Variants in ANXA13 observed in about 807,000 individuals in gnomAD.
ANXA13 encodes the protein annexin A13, also known as annexin XIII.
A neutral mutation model predicts 46.6 loss-of-function variants in ANXA13; 36 were observed. The ratio of observed to expected loss-of-function variants is 0.77; its 90% CI spans 0.59 to 1.02. ANXA13 has a LOEUF of 1.02. Among genes scored for constraint, ANXA13 ranks in the 50% least tolerant of loss-of-function variants. The pLI, the probability that ANXA13 is intolerant of heterozygous loss-of-function variation, is 0.00. For synonymous variants in ANXA13, 163 were observed against 152.9 expected, an observed-to-expected ratio of 1.07 and a Z score of -0.49; for missense variants, 417 against 396.5, an observed-to-expected ratio of 1.05 and a Z score of -0.44.
At chr8:123,682,281 T>C (rs1371421380) in intron 10 of ANXA13, among the ~76,000 whole-genome samples, 1 of 152,182 alleles carries the variant, frequency 6.6e-6, no homozygotes, top group Non-Finnish European at 1.5e-5. Flanking sequence ...ATGATAGGAC[T>C]CAGGAGAAAA....
Position 123,704,978 on chromosome 8 carries a change from C to T in ANXA13, c.92-2242G>A, listed in dbSNP as rs73703641. Among the ~76,000 whole-genome samples the T allele has an allele frequency of 6.8e-3, 1,040 of 152,336 alleles. 8 individuals carry two copies. Among genetic ancestry groups the T allele is most frequent in the African/African-American group, 0.024 (1,006 of 41,580 alleles). The stretch of plus-strand genomic sequence containing the variant: ...ATTTCCAGCTGCCTGTAGTCAACTT[C>T]CCACGGATCTCCCAAGGCATTTCAA... On this transcript the variant is annotated intron_variant, in intron 2 of 10. Transcript: ENST00000419625.
intron 3 of ANXA13, among the ~76,000 whole-genome samples, chr8:123,698,844 C>A (rs1227088969): frequency 6.6e-6 from 1 of 152,178 alleles, no homozygotes; most frequent in Non-Finnish European, 1.5e-5. Flanking sequence ...GCTCAGAGAG[C>A]TTTTTCAGCC....
intron 2 of ANXA13, 111 bp from the exon 3 acceptor site, chr8:123,702,847 T>A: frequency 2.1e-6 from 2 of 950,924 alleles, no homozygotes; most frequent in Non-Finnish European, 3.4e-6. Context: ...TGGTTGGAGG[T>A]GTCTATGGAA....
chr8:123,723,495 ATGGT>A (rs1813925586), intron 1 of ANXA13, among the ~76,000 whole-genome samples: 1 of 152,182 alleles, frequency 6.6e-6, no homozygotes, highest in African/African-American at 2.4e-5. Context: ...GTAAACCAGG[ATGGT>A]TGGCCCTGCT....
At chr8:123,714,849 G>A (rs1212127884) in intron 1 of ANXA13, among the ~76,000 whole-genome samples, 2 of 152,198 alleles carry the variant, frequency 1.3e-5, no homozygotes, top group Non-Finnish European at 2.9e-5. Flanking sequence ...GGAAGAGTGG[G>A]CATTACTAGT....
chr8:123,734,385 A>T (rs1385461172), intron 1 of ANXA13, among the ~76,000 whole-genome samples: 2 of 152,170 alleles, frequency 1.3e-5, no homozygotes, highest in Non-Finnish European at 2.9e-5. Flanking sequence ...CTACCTGCAA[A>T]GCTCACTGGA....
chr8:123,689,020 A>G, intron 8 of ANXA13, 74 bp from the exon 9 acceptor site: 1 of 1,425,702 alleles, frequency 7.0e-7, no homozygotes, highest in Non-Finnish European at 9.9e-7. Context: ...TTGTTCCTCT[A>G]CAAAAAGCAC....
At chr8:123,684,357 C>T (rs558453745) in intron 10 of ANXA13, among the ~76,000 whole-genome samples, 12 of 152,310 alleles carry the variant, frequency 7.9e-5, no homozygotes, top group East Asian at 3.9e-4. Flanking sequence ...ACATGGTTGC[C>T]TCTGCGCCCC....
intron 1 of ANXA13, among the ~76,000 whole-genome samples, chr8:123,722,866 C>T (rs1172403667): frequency 2.0e-5 from 3 of 152,150 alleles, no homozygotes; most frequent in Non-Finnish European, 4.4e-5. Context: ...CTCCTTCCCT[C>T]CTCATTTCAC....
intron 10 of ANXA13, among the ~76,000 whole-genome samples, chr8:123,682,770 T>C (rs1813062799): frequency 6.6e-6 from 1 of 152,180 alleles, no homozygotes; most frequent in Admixed American, 6.5e-5. Context: ...TCTGTGGCTT[T>C]GGGAGATTAG....
At chr8:123,733,731 T>G (rs1814183606) in intron 1 of ANXA13, among the ~76,000 whole-genome samples, 1 of 152,336 alleles carries the variant, frequency 6.6e-6, no homozygotes, top group South Asian at 2.1e-4. Context: ...TACAGTCCAG[T>G]GTTTCTCAAA....
chr8:123,717,485 G>A (rs867828910), intron 1 of ANXA13, among the ~76,000 whole-genome samples: 12 of 152,314 alleles, frequency 7.9e-5, no homozygotes, highest in Middle Eastern at 6.8e-3. Context: ...ACCATATGTA[G>A]ATATATAGGT....
intron 10 of ANXA13, among the ~76,000 whole-genome samples, chr8:123,683,601 T>C (rs1324348532): frequency 5.4e-5 from 8 of 148,142 alleles, no homozygotes; most frequent in African/African-American, 2.0e-4. Context: ...TTTTTTTTTT[T>C]TTTGAGACCG....
chr8:123,697,439 TTGTGGGG>T (rs1813362020), intron 4 of ANXA13, among the ~76,000 whole-genome samples: 1 of 152,098 alleles, frequency 6.6e-6, no homozygotes, highest in African/African-American at 2.4e-5. Flanking sequence ...TTTTATTATC[TTGTGGGG>T]AGAAAAGAAG....
intron 2 of ANXA13, among the ~76,000 whole-genome samples, chr8:123,711,358 A>G (rs1436899296): frequency 2.0e-5 from 3 of 152,060 alleles, no homozygotes; most frequent in African/African-American, 2.4e-5. Flanking sequence ...TGTGCTTTGG[A>G]TGTCACCCTC....
chr8:123,728,342 A>G lies in ANXA13; in HGVS notation c.15+8978T>C, dbSNP rs187660947. The G allele has an allele frequency of 8.5e-5, 13 of 152,340 alleles. No individual in the cohort carries two copies. In the East Asian group the frequency reaches 2.5e-3, roughly 29 times the overall value. 9.4% of individuals were successfully genotyped at this position (152,340 alleles called of 1,614,324 possible). ...CAACAAAAGAGAACTTGGAGGATAA[A>G]GTGGTTGTGTGGAGATGATGGATAT... On this transcript the variant is annotated intron_variant, in intron 1 of 10. Coordinates refer to ENST00000419625, the MANE Select transcript of ANXA13 (RefSeq NM_004306.4).
chr8:123,711,700 T>C (rs2385502), intron 2 of ANXA13: 93,336 of 151,504 alleles, frequency 0.62, 29,364 homozygotes, highest in African/African-American at 0.71. Context: ...CTGCAACCTC[T>C]GACTCCCTGG....
intron 1 of ANXA13, among the ~76,000 whole-genome samples, chr8:123,725,002 T>C (rs550313397): frequency 1.3e-5 from 2 of 152,348 alleles, no homozygotes; most frequent in South Asian, 2.1e-4. Flanking sequence ...GGACTCCCAC[T>C]GTATCCCATG....
intron 10 of ANXA13, among the ~76,000 whole-genome samples, chr8:123,681,970 T>A (rs1214521244): frequency 6.6e-6 from 1 of 152,168 alleles, no homozygotes; most frequent in East Asian, 1.9e-4. Context: ...TACAAAGTAT[T>A]ATCTTTCTTT....
Sources: allele counts gnomAD v4.1 joint callset (sites outside exome capture counted in the v4.1 genomes callset), GRCh38; gene constraint gnomAD v4.1.1; transcripts MANE v1.5; gene names NCBI Gene and HGNC (gene_info 2026-07-23, HGNC 2026-07-21).